NRAP: variants seen among roughly 807,000 people sequenced by gnomAD.
NRAP encodes the protein nebulin-related-anchoring protein.
Under a neutral mutation model 225.9 loss-of-function variants are expected in NRAP, and 189 were observed. That is an observed-to-expected ratio of 0.84 (90% CI 0.74 to 0.94). The LOEUF is 0.94. Among genes scored for constraint, NRAP ranks in the 40% least tolerant of loss-of-function variants. NRAP has a pLI of 0.00. For synonymous variants in NRAP, 769 were observed against 790.7 expected (o/e 0.97, Z 0.46); for missense variants, 2,176 against 2,168.7 (o/e 1.00, Z -0.07).
chr10:113,655,773 C>T (rs912707146), intron 4 of NRAP, among the ~76,000 whole-genome samples: 4 of 152,074 alleles, frequency 2.6e-5, no homozygotes, highest in Non-Finnish European at 5.9e-5. Context: ...CTTAATGGTG[C>T]ACCTATGATA....
chr10:113,641,270 AG>A (rs1849184528), intron 13 of NRAP, 94 bp downstream of exon 13: 1 of 642,760 alleles, frequency 1.6e-6, no homozygotes, highest in Non-Finnish European at 2.5e-6. Flanking sequence ...AATAGAAGAC[AG>A]ATTTTTTTTT....
chr10:113,650,965 C>G (rs1386202826), intron 7 of NRAP, among the ~76,000 whole-genome samples: 1 of 152,204 alleles, frequency 6.6e-6, no homozygotes, highest in Non-Finnish European at 1.5e-5. Context: ...CAGAACAACA[C>G]TAAGTTCTTG....
intron 33 of NRAP, 128 bp downstream of exon 33, chr10:113,606,050 T>C (rs1356641028): frequency 3.7e-6 from 3 of 808,530 alleles, no homozygotes; most frequent in Non-Finnish European, 6.4e-6. Context: ...GTATTTAACA[T>C]GAGCATCTAA....
chr10:113,654,108 T>C lies in NRAP; in HGVS notation c.378A>G (p.Gly126=). Residue 126 remains glycine (G), a synonymous_variant, in exon 5 of 42, where the codon GGA becomes GGG. Coordinates refer to ENST00000359988, the MANE Select transcript of NRAP (RefSeq NM_198060.4). ...GGCACCAAGCATTCCCTTCCCCATA[T>C]CCAGTCCAATAGGCTCTCTACAAAG... ...PLANERAYWT[G]YGEGNAWCPG... 2 of 1,611,070 alleles carry C rather than the reference T, an allele frequency of 1.2e-6. No individual in the cohort carries two copies. Among genetic ancestry groups the C allele is most frequent in the Non-Finnish European group, 1.7e-6 (2 of 1,177,404 alleles).
chr10:113,627,563 T>C (rs1477542371), intron 20 of NRAP, among the ~76,000 whole-genome samples: 1 of 152,218 alleles, frequency 6.6e-6, no homozygotes, highest in Non-Finnish European at 1.5e-5. Context: ...AGAAGCTAGA[T>C]AATGAAAGCC....
rs61864981 is a variant in NRAP at position 113,625,891 on chromosome 10, C to T, written c.2244+156G>A. On this transcript the variant is annotated intron_variant, in intron 21 of 41. Transcript: ENST00000359988. ...GGGGCCTGGTGTCCAGTTCCAGAAACAGCCTGGAAGCCTGGGGAAAGCTGG... is the reference window on the plus strand; with the variant it reads ...GGGGCCTGGTGTCCAGTTCCAGAAATAGCCTGGAAGCCTGGGGAAAGCTGG... Among the ~76,000 whole-genome samples, 12,502 of 152,246 alleles carry T rather than the reference C, an allele frequency of 0.082. 650 individuals are homozygous for T. The highest frequency in any genetic ancestry group is 0.17 in the South Asian group (835 of 4,816).
intron 8 of NRAP, 122 bp downstream of exon 8, chr10:113,650,316 T>C (rs1849865378): frequency 1.2e-6 from 1 of 835,050 alleles, no homozygotes; most frequent in South Asian, 1.5e-5. Flanking sequence ...CTTAAAACTA[T>C]AAAGGAAAAC....
chr10:113,622,501 C>A (rs1291285888), intron 23 of NRAP, among the ~76,000 whole-genome samples: 1 of 152,092 alleles, frequency 6.6e-6, no homozygotes, highest in Non-Finnish European at 1.5e-5. Flanking sequence ...TAAAAGATAA[C>A]TGGAGTACAT....
rs180781922 is a variant in NRAP at position 113,633,141 on chromosome 10, C to A, written c.1575G>T (p.Leu525Phe). 1 of 1,610,346 alleles carries A rather than the reference C, an allele frequency of 6.2e-7. No homozygotes were observed. Among genetic ancestry groups the A allele is most frequent in the East Asian group, 2.2e-5 (1 of 44,876 alleles). The change falls in exon 16 of 42, where the codon TTG (leucine) becomes TTT (phenylalanine). Residue 525 changes from leucine to phenylalanine, a missense_variant. Around this residue, in one of 3 missense-constraint regions of NRAP, gnomAD observed 1,708 missense variants for 1,695.5 expected, o/e 1.01. Transcript: ENST00000359988. ...TCACCAGCTGAGGAACATCCTGGGG[C>A]AATGTGTAATTCAACTTATTTTTCT... ...DYEKNKLNYT[L>F]PQDVPQLVKA...
chr10:113,592,146 C>A, intron 39 of NRAP, 48 bp downstream of exon 39: 2 of 1,234,578 alleles, frequency 1.6e-6, no homozygotes, highest in South Asian at 1.4e-5. Context: ...CTGGGAAAAC[C>A]AGAGAAAAAC....
Position 113,663,750 on chromosome 10 carries a change from G to A in NRAP, c.72+61C>T, listed in dbSNP as rs575029458. On this transcript the variant is annotated intron_variant, in intron 1 of 41. Coordinates refer to ENST00000359988, the MANE Select transcript of NRAP (RefSeq NM_198060.4). ...TTTCCATATTTACCTATGTCCATAT[G>A]TGAGAAGGTCAATTTCCTGTGTTTG... 22 of 1,172,274 alleles carry A rather than the reference G, an allele frequency of 1.9e-5. No homozygotes were observed. The African/African-American group carries it at 2.1e-4, about 11-fold the overall frequency. 72.6% of individuals were successfully genotyped at this position (1,172,274 alleles called of 1,614,324 possible).
intron 16 of NRAP, among the ~76,000 whole-genome samples, chr10:113,632,191 T>G (rs936638414): frequency 6.6e-6 from 1 of 152,214 alleles, no homozygotes; most frequent in Non-Finnish European, 1.5e-5. Context: ...CCCCATGTGT[T>G]GCTCCTTGCT....
At position 113,663,805 on chromosome 10, in the gene NRAP, A is replaced by G. The variant is rs1336876067; in HGVS notation, c.72+6T>C. The stretch of plus-strand genomic sequence containing the variant: ...TATTCACAAAAGCCAAGAAATGTCT[A>G]CTGACCTGATCTATACAGCTGATCT... On this transcript the variant is annotated splice_donor_region_variant and intron_variant, in intron 1 of 41. Coordinates refer to ENST00000359988, the MANE Select transcript of NRAP (RefSeq NM_198060.4). The G allele has an allele frequency of 6.2e-7, 1 of 1,607,418 alleles. No homozygotes were observed. Among genetic ancestry groups the G allele is most frequent in the Non-Finnish European group, 8.5e-7 (1 of 1,173,926 alleles).
At chr10:113,647,434 G>A (rs1335786908) in intron 9 of NRAP, among the ~76,000 whole-genome samples, 5 of 145,116 alleles carry the variant, frequency 3.4e-5, no homozygotes, top group African/African-American at 7.8e-5. Context: ...GACCTCCCCC[G>A]ATGGTACTGT....
rs559276739 is a variant in NRAP at position 113,621,719 on chromosome 10, T to C, written c.2769+150A>G. The stretch of plus-strand genomic sequence containing the variant: ...CTAGTTTGAATAAAAGTTAAACCAC[T>C]AGCAAAGTAAAGTGTTGCCACTTAG... On this transcript the variant is annotated intron_variant, in intron 24 of 41. Transcript: ENST00000359988. 250 of 670,764 alleles carry C rather than the reference T, an allele frequency of 3.7e-4. No individual in the cohort carries two copies. In the African/African-American group the frequency reaches 4.0e-3, roughly 11 times the overall value. 41.6% of individuals were successfully genotyped at this position (670,764 alleles called of 1,614,324 possible).
At chr10:113,630,875 G>A (rs143384471) in intron 18 of NRAP, among the ~76,000 whole-genome samples, 30 of 152,276 alleles carry the variant, frequency 2.0e-4, no homozygotes, top group African/African-American at 4.1e-4. Context: ...CTTGGAGCAG[G>A]CAATCTTTTG....
At chr10:113,624,779 A>G (rs752547679) in intron 22 of NRAP, 47 bp downstream of exon 22, 1 of 1,400,340 alleles carries the variant, frequency 7.1e-7, no homozygotes, top group Non-Finnish European at 1.0e-6. Flanking sequence ...AGGTGGCTAT[A>G]CACAAAGGGG....
At chr10:113,605,216 C>A (rs567709351) in intron 34 of NRAP, among the ~76,000 whole-genome samples, 1 of 152,330 alleles carries the variant, frequency 6.6e-6, no homozygotes, top group South Asian at 2.1e-4. Flanking sequence ...TTTATCCGTT[C>A]GCACTTGGCA....
At chr10:113,662,889 T>C (rs1332201294) in intron 2 of NRAP, 123 bp from the exon 3 acceptor site, 1 of 498,814 alleles carries the variant, frequency 2.0e-6, no homozygotes, top group Non-Finnish European at 3.4e-6. Context: ...ATGTAAAACT[T>C]AAAAATTAAG....
Sources: allele counts gnomAD v4.1 joint callset (sites outside exome capture counted in the v4.1 genomes callset), GRCh38; gene constraint gnomAD v4.1.1; regional missense constraint gnomAD v4.1.1; transcripts MANE v1.5; gene names NCBI Gene and HGNC (gene_info 2026-07-23, HGNC 2026-07-21).